OPCML: variants seen among roughly 807,000 people sequenced by gnomAD.
OPCML encodes opioid binding protein/cell adhesion molecule like.
A neutral mutation model predicts 37.8 loss-of-function variants in OPCML; 13 were observed. The observed-to-expected ratio is 0.34, with a 90% CI of 0.22 to 0.55. The LOEUF is 0.55. OPCML is among the 20% of genes least tolerant of loss of function. OPCML has a pLI of 0.91. For missense variants in OPCML, 341 were observed against 435.6 expected (o/e 0.78, Z 1.93); for synonymous variants, 176 against 168.8 (o/e 1.04, Z -0.33).
rs1591665958 is a variant in OPCML at position 132,828,941 on chromosome 11, T to C, written c.146+113985A>G. Among the ~76,000 whole-genome samples, 3 of 152,310 alleles carry C rather than the reference T, an allele frequency of 2.0e-5. 1 individual carries two copies. The highest frequency in any genetic ancestry group is 3.9e-4 in the East Asian group (2 of 5,180). The stretch of plus-strand genomic sequence containing the variant: ...GCCTCGTTTTCTCCACTCAGCAGCC[T>C]TGTGAAGAGTATTCTCCTTTGAAAG... On this transcript the variant is annotated intron_variant, in intron 2 of 7. Transcript: ENST00000524381.
intron 2 of OPCML, among the ~76,000 whole-genome samples, chr11:132,827,921 G>A (rs751664699): frequency 2.0e-5 from 3 of 151,778 alleles, no homozygotes; most frequent in East Asian, 1.9e-4. Flanking sequence ...GTGAGCCACC[G>A]CGCCTGGCCC....
chr11:132,662,516 G>T (rs1942026996), intron 2 of OPCML, among the ~76,000 whole-genome samples: 1 of 151,898 alleles, frequency 6.6e-6, no homozygotes, highest in Non-Finnish European at 1.5e-5. Flanking sequence ...GTAGGAACAG[G>T]CCGACAAAGT....
chr11:133,402,318 G>A (rs1207544617), intron 1 of OPCML, among the ~76,000 whole-genome samples: 1 of 152,112 alleles, frequency 6.6e-6, no homozygotes, highest in African/African-American at 2.4e-5. Flanking sequence ...CATGAAGGCA[G>A]GGCCATCATG....
intron 2 of OPCML, among the ~76,000 whole-genome samples, chr11:132,682,779 C>T (rs1943009383): frequency 6.6e-6 from 1 of 152,206 alleles, no homozygotes; most frequent in Non-Finnish European, 1.5e-5. Flanking sequence ...TCTCCCGTTA[C>T]ATAGATACTA....
chr11:133,494,871 TAATAATAA>T (rs946066499), intron 1 of OPCML, among the ~76,000 whole-genome samples: 2 of 151,058 alleles, frequency 1.3e-5, no homozygotes, highest in Non-Finnish European at 1.5e-5. Context: ...TAAAGTATAA[TAATAATAA>T]AATAATAAAA....
intron 1 of OPCML, among the ~76,000 whole-genome samples, chr11:133,035,053 C>A (rs57745333): frequency 1.3e-5 from 2 of 151,990 alleles, no homozygotes; most frequent in African/African-American, 4.8e-5. Flanking sequence ...ATGCCCCAGG[C>A]GGGAGGAAAG....
At chr11:133,048,022 C>A (rs566105800) in intron 1 of OPCML, among the ~76,000 whole-genome samples, 63 of 152,192 alleles carry the variant, frequency 4.1e-4, no homozygotes, top group African/African-American at 1.4e-3. Context: ...CCACAGTGCC[C>A]ACTGCCTTCC....
chr11:132,644,000 C>A (rs192746342), intron 3 of OPCML, among the ~76,000 whole-genome samples: 1 of 152,142 alleles, frequency 6.6e-6, no homozygotes, highest in African/African-American at 2.4e-5. Flanking sequence ...CAGATCATTG[C>A]GGAGTTTTTA....
intron 2 of OPCML, among the ~76,000 whole-genome samples, chr11:132,793,974 A>G (rs1456400750): frequency 6.6e-6 from 1 of 152,208 alleles, no homozygotes; most frequent in East Asian, 1.9e-4. Flanking sequence ...AAAGACGGCT[A>G]CTGCCCAAGC....
intron 2 of OPCML, among the ~76,000 whole-genome samples, chr11:132,827,388 A>C (rs921409576): frequency 2.0e-5 from 3 of 152,200 alleles, no homozygotes; most frequent in African/African-American, 7.2e-5. Flanking sequence ...GAATGGCTAA[A>C]ATTCAAAGCA....
Position 132,579,716 on chromosome 11 carries a change from G to A in OPCML, c.380-50530C>T, listed in dbSNP as rs115234788. 8.1e-3 allele frequency among the ~76,000 whole-genome samples: 1,233 copies of A among 152,186 alleles called. 17 individuals carry two copies. The highest frequency in any genetic ancestry group is 0.028 in the African/African-American group (1,142 of 41,516). ...GGGGACAAGTTGTTCTGAGAAAGAC[G>A]ATCGAGCTCTGATAGACTGAGACAC... On this transcript the variant is annotated intron_variant, in intron 3 of 7. Transcript: ENST00000524381.
At chr11:133,453,677 C>T (rs1340781574) in intron 1 of OPCML, among the ~76,000 whole-genome samples, 4 of 152,162 alleles carry the variant, frequency 2.6e-5, no homozygotes. Context: ...CAACCTCTTA[C>T]TTTATTCCAG....
At chr11:132,559,921 G>T (rs2096406875) in intron 3 of OPCML, among the ~76,000 whole-genome samples, 1 of 152,156 alleles carries the variant, frequency 6.6e-6, no homozygotes, top group African/African-American at 2.4e-5. Context: ...CTTCAGGAAA[G>T]AATTGGCAAA....
chr11:133,062,230 C>T (rs1033844708), intron 1 of OPCML, among the ~76,000 whole-genome samples: 3 of 152,218 alleles, frequency 2.0e-5, no homozygotes, highest in African/African-American at 7.2e-5. Context: ...AAATGTGATT[C>T]TAAATTTCTC....
At chr11:132,989,602 C>CGT (rs72145712) in intron 1 of OPCML, among the ~76,000 whole-genome samples, 3,016 of 139,482 alleles carry the variant, frequency 0.022, 46 homozygotes, top group South Asian at 0.045. Context: ...GGTCCTAGAG[C>CGT]GTGTGTGTGT....
chr11:132,602,976 C>G lies in OPCML; in HGVS notation c.379+54111G>C, dbSNP rs183620831. ...TTAATCCAGTTCTCTTTTTAATGGA[C>G]ACCTCTGCTCTGCTTGAGATCAGTG... On this transcript the variant is annotated intron_variant, in intron 3 of 7. Transcript: ENST00000524381. 2.6e-5 allele frequency among the ~76,000 whole-genome samples: 4 copies of G among 152,352 alleles called. No individual in the cohort carries two copies. In the East Asian group the frequency reaches 7.7e-4, roughly 29 times the overall value.
In OPCML at chr11:132,541,516, A is replaced by AT. The variant is rs59821039; in HGVS notation, c.380-12331dup. 5.2e-3 allele frequency among the ~76,000 whole-genome samples: 745 copies of AT among 143,544 alleles called. 6 individuals carry two copies. Among genetic ancestry groups the AT allele is most frequent in the Middle Eastern group, 0.025 (7 of 278 alleles). The allele number at this position is 143,544 out of a possible 152,430, so 94.2% of individuals were successfully genotyped here. A position where few individuals can be genotyped will look rare whatever the true frequency, so the allele number is the denominator to read the frequency against. ...TATGGGCTCTTTATTCTATATCCAG[A>AT]TTTTTTTTTTTTTTTTGCCAGCAAC... On this transcript the variant is annotated intron_variant, in intron 3 of 7. Coordinates refer to ENST00000524381, the MANE Select transcript of OPCML (RefSeq NM_001012393.5).
chr11:132,894,106 T>G (rs1307972289), intron 2 of OPCML, among the ~76,000 whole-genome samples: 2 of 152,160 alleles, frequency 1.3e-5, no homozygotes, highest in Non-Finnish European at 2.9e-5. Flanking sequence ...CTTTTCTACC[T>G]CCCATTCAGT....
At chr11:133,333,055 G>GTAGTAC (rs1943658581) in intron 1 of OPCML, among the ~76,000 whole-genome samples, 1 of 152,080 alleles carries the variant, frequency 6.6e-6, no homozygotes, top group Non-Finnish European at 1.5e-5. Flanking sequence ...ACTAGTAGTA[G>GTAGTAC]TAGTAGTAGT....
Sources: allele counts gnomAD v4.1 joint callset (sites outside exome capture counted in the v4.1 genomes callset), GRCh38; gene constraint gnomAD v4.1.1; transcripts MANE v1.5; gene names NCBI Gene and HGNC (gene_info 2026-07-23, HGNC 2026-07-21).